Variants in DHX32 observed in about 807,000 individuals in gnomAD.
The protein encoded by DHX32 is DEAH-box helicase 32 (putative).
In DHX32, 51 loss-of-function variants were observed where a neutral mutation model predicts 70.0. The ratio of observed to expected loss-of-function variants is 0.73; its 90% CI spans 0.58 to 0.92. DHX32 has a LOEUF of 0.92. Ranked by LOEUF, DHX32 falls within the 40% of genes least tolerant of loss-of-function variation. The pLI, the probability that DHX32 is intolerant of heterozygous loss-of-function variation, is 0.00. For missense variants in DHX32, 762 were observed against 891.8 expected, an observed-to-expected ratio of 0.85 and a Z score of 1.85; for synonymous variants, 310 against 315.3, an observed-to-expected ratio of 0.98 and a Z score of 0.18.
chr10:125,852,469 A>G lies in DHX32; in HGVS notation c.1193-18T>C. On this transcript the variant is annotated intron_variant, in intron 5 of 10. Transcript: ENST00000284690. ...AAATTTTCCTAAAAGACACCAAGAAAAATGGCTTTAATATTTCTGGGTTGC... is the reference window on the plus strand; with the variant it reads ...AAATTTTCCTAAAAGACACCAAGAAGAATGGCTTTAATATTTCTGGGTTGC... 6.2e-7 allele frequency: 1 copy of G among 1,613,924 alleles called. No homozygotes were observed. The highest frequency in any genetic ancestry group is 8.5e-7 in the Non-Finnish European group (1 of 1,179,954).
chr10:125,854,115 T>C lies in DHX32; in HGVS notation c.938A>G (p.Lys313Arg), dbSNP rs1389399240. Reference protein sequence around the residue: ...GELVVVPLYPKEKCSLFKPLD... With the variant: ...GELVVVPLYPREKCSLFKPLD... ...TGGCTTGAACAATGAACATTTCTCT[T>C]TTGGATACAAAGGAACAACCACCAG... The change falls in exon 4 of 11, where the codon AAA becomes AGA. Residue 313 changes from lysine (K) to arginine (R), a missense_variant. This residue lies in a region of DHX32 where 394 missense variants were observed against 473.1 expected (regional missense o/e 0.83). Coordinates refer to ENST00000284690, the MANE Select transcript of DHX32 (RefSeq NM_018180.3). 1.9e-5 allele frequency: 31 copies of C among 1,613,924 alleles called. No homozygotes were observed. Among genetic ancestry groups the C allele is most frequent in the Middle Eastern group, 3.3e-4 (2 of 6,080 alleles).
In DHX32 at chr10:125,841,893, GATA is replaced by G; in HGVS notation, c.1390_1392del (p.Tyr464del). 1 of 1,609,098 alleles carries G rather than the reference GATA, an allele frequency of 6.2e-7. No homozygotes were observed. The highest frequency in any genetic ancestry group is 8.5e-7 in the Non-Finnish European group (1 of 1,178,840). On this transcript the variant is annotated inframe_deletion, in exon 7 of 11. Coordinates refer to ENST00000284690, the MANE Select transcript of DHX32 (RefSeq NM_018180.3). ...TTTCCATCATTATCCAGTGCTGCCA[GATA>G]ATCTAAGTCTTCCAATGCCTGCATC... is the stretch of plus-strand genomic sequence containing the variant.
chr10:125,884,022 T>C (rs759437026), upstream of DHX32, among the ~76,000 whole-genome samples: 3 of 152,146 alleles, frequency 2.0e-5, no homozygotes, highest in Non-Finnish European at 4.4e-5. Flanking sequence ...AAAGCTTGAG[T>C]CCACAAAGGA....
chr10:125,890,806 C>T (rs375083617), intron 1 of DHX32: 1 of 151,150 alleles, frequency 6.6e-6, no homozygotes, highest in South Asian at 2.1e-4. Context: ...GGCAGTGGCT[C>T]ATGCCTGTAA....
At chr10:125,877,862 G>A (rs2134070886) in intron 1 of DHX32, among the ~76,000 whole-genome samples, 1 of 152,106 alleles carries the variant, frequency 6.6e-6, no homozygotes, top group Admixed American at 6.6e-5. Context: ...AAATGAAGGG[G>A]TTCCATCAGT....
At chr10:125,840,722 G>A (rs1854853488) in intron 8 of DHX32, 125 bp downstream of exon 8, 19 of 1,092,372 alleles carry the variant, frequency 1.7e-5, no homozygotes, top group Non-Finnish European at 2.4e-5. Context: ...AGGGCCTCAA[G>A]TGCCATTGCA....
intron 3 of DHX32, among the ~76,000 whole-genome samples, chr10:125,859,193 G>A (rs1944169130): frequency 6.6e-6 from 1 of 152,116 alleles, no homozygotes; most frequent in Non-Finnish European, 1.5e-5. Flanking sequence ...TCTATGGTGA[G>A]TGCTTAGGTA....
intron 3 of DHX32, among the ~76,000 whole-genome samples, chr10:125,857,152 C>A (rs1016178951): frequency 2.0e-5 from 3 of 152,166 alleles, no homozygotes; most frequent in African/African-American, 7.2e-5. Flanking sequence ...CTTTCCAAGA[C>A]ACAAATCCCA....
intron 3 of DHX32, among the ~76,000 whole-genome samples, chr10:125,858,600 T>C (rs1254432904): frequency 6.6e-6 from 1 of 152,214 alleles, no homozygotes; most frequent in African/African-American, 2.4e-5. Flanking sequence ...TTCTGAAATA[T>C]GTGGATGTTC....
intron 6 of DHX32, among the ~76,000 whole-genome samples, chr10:125,850,134 TAAAAAAA>T (rs371549545): frequency 7.5e-6 from 1 of 133,540 alleles, no homozygotes; most frequent in Non-Finnish European, 1.6e-5. Flanking sequence ...CCTGGCTCAT[TAAAAAAA>T]AAAAAAAAAA....
At chr10:125,881,822 T>A (rs145724813), upstream of DHX32, among the ~76,000 whole-genome samples, 190 of 152,296 alleles carry the variant, frequency 1.2e-3, 1 homozygote, top group African/African-American at 4.5e-3. Flanking sequence ...CTGTATTTTT[T>A]TGTAGAGACG....
chr10:125,865,683 T>A (rs981607600), intron 2 of DHX32, among the ~76,000 whole-genome samples: 1 of 152,112 alleles, frequency 6.6e-6, no homozygotes. Flanking sequence ...GCATGCACCA[T>A]CACGCTCACT....
chr10:125,870,398 A>G (rs1944248776), intron 1 of DHX32, among the ~76,000 whole-genome samples: 2 of 152,242 alleles, frequency 1.3e-5, no homozygotes, highest in Admixed American at 1.3e-4. Flanking sequence ...TCATACTGCC[A>G]GTAAACAGCA....
At chr10:125,847,637 G>A (rs1431279704) in intron 6 of DHX32, among the ~76,000 whole-genome samples, 4 of 152,120 alleles carry the variant, frequency 2.6e-5, no homozygotes, top group Admixed American at 1.3e-4. Flanking sequence ...ATTCAAGCTC[G>A]TTACATGTGC....
chr10:125,853,408 A>G (rs1006577188), intron 4 of DHX32: 11 of 368,644 alleles, frequency 3.0e-5, no homozygotes, highest in African/African-American at 2.1e-4. Flanking sequence ...CCTTGTTTTC[A>G]TTTTTTCTAA....
chr10:125,880,751 C>A lies in DHX32; in HGVS notation c.74G>T (p.Ser25Ile). ...KRYFPESLDS[S>I]DGDEEEVLAC... The stretch of plus-strand genomic sequence containing the variant: ...CAAAACCTCTTCCTCATCCCCATCG[C>A]TGGAATCCAGGGATTCAGGAAAATA... The change falls in exon 1 of 11, where the codon AGC becomes ATC. Residue 25 changes from serine to isoleucine, a missense_variant. By Grantham distance (142) the Ser-to-Ile change is moderately radical (BLOSUM62 -2). This residue lies in a region of DHX32 where 394 missense variants were observed against 473.1 expected (regional missense o/e 0.83). Transcript: ENST00000284690. 6.2e-7 allele frequency: 1 copy of A among 1,614,212 alleles called. No individual in the cohort carries two copies. The highest frequency in any genetic ancestry group is 1.1e-5 in the South Asian group (1 of 91,080).
At chr10:125,849,714 C>T (rs1376211969) in intron 6 of DHX32, among the ~76,000 whole-genome samples, 5 of 151,962 alleles carry the variant, frequency 3.3e-5, no homozygotes, top group Admixed American at 2.0e-4. Context: ...TCCTCCCATT[C>T]TCCTCTTAGT....
chr10:125,867,939 A>G (rs1402980747), intron 1 of DHX32, among the ~76,000 whole-genome samples: 2 of 152,184 alleles, frequency 1.3e-5, no homozygotes, highest in East Asian at 3.8e-4. Flanking sequence ...TAGTGACTCA[A>G]AATTAAAGCA....
At chr10:125,851,920 C>CAAAAA (rs56380138) in intron 6 of DHX32, among the ~76,000 whole-genome samples, 55 of 86,492 alleles carry the variant, frequency 6.4e-4, no homozygotes, top group South Asian at 8.5e-4. Context: ...GACCCTGTCT[C>CAAAAA]AAAAAAAAAA....
Sources: gnomAD v4.1 joint callset for allele counts (sites outside exome capture counted in the v4.1 genomes callset) on GRCh38, gnomAD v4.1.1 for gene constraint, gnomAD v4.1.1 regional missense constraint, MANE v1.5 for transcripts, NCBI Gene and HGNC (gene_info 2026-07-23, HGNC 2026-07-21) for gene names.